ADGRL3: variants seen among roughly 807,000 people sequenced by gnomAD.
ADGRL3 encodes the protein calcium-independent alpha-latrotoxin receptor 3.
Under a neutral mutation model 153.5 loss-of-function variants are expected in ADGRL3, and 62 were observed. The ratio of observed to expected loss-of-function variants is 0.40; its 90% CI spans 0.33 to 0.50. ADGRL3 has a LOEUF of 0.50. ADGRL3 is among the 20% of genes least tolerant of loss of function. The pLI is 0.47. For synonymous variants in ADGRL3, 710 were observed against 672.5 expected (o/e 1.06, Z -0.86); for missense variants, 1,641 against 1,859.4 (o/e 0.88, Z 2.16).
intron 1 of ADGRL3, among the ~76,000 whole-genome samples, chr4:61,338,213 G>A (rs189581602): frequency 6.6e-6 from 1 of 151,714 alleles, no homozygotes; most frequent in Non-Finnish European, 1.5e-5. Flanking sequence ...AGAAGCTGTA[G>A]TGAGCTGAGA....
At chr4:61,430,609 C>T (rs907597268) in intron 2 of ADGRL3, among the ~76,000 whole-genome samples, 4 of 152,026 alleles carry the variant, frequency 2.6e-5, no homozygotes, top group African/African-American at 4.8e-5. Context: ...ATTTTAACAT[C>T]GGTTGTACTT....
intron 2 of ADGRL3, among the ~76,000 whole-genome samples, chr4:61,456,471 CTATATCTATATA>C (rs1560665284): frequency 1.8e-5 from 2 of 110,552 alleles, no homozygotes; most frequent in Non-Finnish European, 1.8e-5. Context: ...ATAGATATAT[CTATATCTATATA>C]TATAGATATA....
chr4:61,982,793 C>A (rs551139825), intron 18 of ADGRL3, among the ~76,000 whole-genome samples: 46 of 152,238 alleles, frequency 3.0e-4, no homozygotes, highest in African/African-American at 1.1e-3. Flanking sequence ...TATTCATGTT[C>A]ACCATGAATT....
chr4:61,915,467 G>C (rs980394866), intron 13 of ADGRL3, among the ~76,000 whole-genome samples: 5 of 151,906 alleles, frequency 3.3e-5, no homozygotes, highest in African/African-American at 1.2e-4. Flanking sequence ...CCTTTTAATG[G>C]GGCCTTTGGG....
intron 5 of ADGRL3, among the ~76,000 whole-genome samples, chr4:61,612,079 A>C (rs1328967952): frequency 6.6e-6 from 1 of 152,184 alleles, no homozygotes; most frequent in Non-Finnish European, 1.5e-5. Context: ...ATAAAATAGG[A>C]CTTGCTTAAT....
rs2096465246 is a variant in ADGRL3, at chr4:61,733,139, A to G, written c.984A>G (p.Lys328=). 1 of 1,613,162 alleles carries G rather than the reference A, an allele frequency of 6.2e-7. No homozygotes were observed. The highest frequency in any genetic ancestry group is 8.5e-7 in the Non-Finnish European group (1 of 1,179,618). Residue 328 remains lysine (K), a synonymous_variant, in exon 8 of 27, where the codon AAA becomes AAG. Transcript: ENST00000683033. The part of the protein sequence containing the change: ...HDTSPYRWGG[K]SDIDLAVDEN... ...CCTCCCCTTACCGATGGGGAGGCAA[A>G]TCTGACATAGACCTGGCAGTAGATG...
intron 4 of ADGRL3, among the ~76,000 whole-genome samples, chr4:61,576,365 G>T (rs1462951632): frequency 6.6e-6 from 1 of 151,476 alleles, no homozygotes. Flanking sequence ...TTTCATTTTG[G>T]CTAGTCTATC....
chr4:61,905,721 C>T (rs945150356), intron 11 of ADGRL3, among the ~76,000 whole-genome samples: 5 of 151,924 alleles, frequency 3.3e-5, no homozygotes, highest in Admixed American at 6.6e-5. Flanking sequence ...ATGGCAAAAC[C>T]TAATCTCTAC....
chr4:61,911,796 A>T (rs1177533696), intron 12 of ADGRL3, among the ~76,000 whole-genome samples: 1 of 152,150 alleles, frequency 6.6e-6, no homozygotes, highest in Non-Finnish European at 1.5e-5. Context: ...ACTGCTTCTT[A>T]AAACTGGGTA....
intron 6 of ADGRL3, among the ~76,000 whole-genome samples, chr4:61,723,413 G>C (rs1261784865): frequency 6.6e-6 from 1 of 152,008 alleles, no homozygotes; most frequent in African/African-American, 2.4e-5. Flanking sequence ...AGGCAAGAAA[G>C]AAGAAAAAAG....
At chr4:61,369,190 C>T (rs2096469581) in intron 1 of ADGRL3, among the ~76,000 whole-genome samples, 1 of 152,172 alleles carries the variant, frequency 6.6e-6, no homozygotes, top group South Asian at 2.1e-4. Flanking sequence ...GACAATTTGA[C>T]TTCCTCTTCT....
chr4:62,042,469 A>G (rs72640034), intron 24 of ADGRL3, among the ~76,000 whole-genome samples: 6,631 of 151,964 alleles, frequency 0.044, 178 homozygotes, highest in Middle Eastern at 0.1. Flanking sequence ...GTATCTGGAG[A>G]AGAGCACCCC....
At chr4:61,389,346 G>A (rs1045486758) in intron 2 of ADGRL3, among the ~76,000 whole-genome samples, 1 of 152,218 alleles carries the variant, frequency 6.6e-6, no homozygotes, top group Admixed American at 6.5e-5. Flanking sequence ...AGGTTTGAAA[G>A]TGGCAACCCT....
intron 6 of ADGRL3, among the ~76,000 whole-genome samples, chr4:61,708,044 A>G (rs2095885447): frequency 6.6e-6 from 1 of 152,076 alleles, no homozygotes; most frequent in Non-Finnish European, 1.5e-5. Context: ...CCCAAATTTC[A>G]GCTCTTCCCT....
At chr4:62,067,994 T>G (rs907395896) in intron 25 of ADGRL3, among the ~76,000 whole-genome samples, 172 bp from the exon 26 acceptor site, 1 of 152,122 alleles carries the variant, frequency 6.6e-6, no homozygotes, top group African/African-American at 2.4e-5. Flanking sequence ...TCAGTATTTT[T>G]AATTATGGTA....
chr4:61,997,426 T>G (rs1468489594), intron 20 of ADGRL3, among the ~76,000 whole-genome samples: 4 of 152,062 alleles, frequency 2.6e-5, no homozygotes, highest in African/African-American at 7.2e-5. Context: ...TGGGGATGAT[T>G]GATAAAGTAT....
intron 17 of ADGRL3, among the ~76,000 whole-genome samples, chr4:61,968,079 C>G (rs1039577225): frequency 3.3e-5 from 5 of 152,150 alleles, no homozygotes; most frequent in African/African-American, 1.2e-4. Flanking sequence ...ACCTAATCAC[C>G]TCTTAAAGTT....
chr4:61,640,270 C>G (rs2093606327), intron 5 of ADGRL3, among the ~76,000 whole-genome samples: 1 of 151,922 alleles, frequency 6.6e-6, no homozygotes, highest in Non-Finnish European at 1.5e-5. Context: ...ATACAAACAC[C>G]AGGTTTGTAA....
chr4:61,781,963 G>A (rs576022638), intron 8 of ADGRL3, among the ~76,000 whole-genome samples: 2 of 152,088 alleles, frequency 1.3e-5, no homozygotes, highest in East Asian at 1.9e-4. Context: ...AATACTTATC[G>A]AATACTTAAA....
Sources: gnomAD v4.1 joint callset for allele counts (sites outside exome capture counted in the v4.1 genomes callset) on GRCh38, gnomAD v4.1.1 for gene constraint, MANE v1.5 for transcripts, NCBI Gene and HGNC (gene_info 2026-07-23, HGNC 2026-07-21) for gene names.